HTR7: variants seen among roughly 807,000 people sequenced by gnomAD.
HTR7 encodes the protein 5-hydroxytryptamine receptor 7, also known as 5-HT-7.
HTR7 carries 16 observed loss-of-function variants against 34.0 expected under a neutral mutation model. The ratio of observed to expected loss-of-function variants is 0.47; its 90% CI spans 0.32 to 0.71. HTR7 has a LOEUF of 0.71. Among genes scored for constraint, HTR7 ranks in the 30% least tolerant of loss-of-function variants. The pLI is 0.04. For missense variants in HTR7, 504 were observed against 625.5 expected (o/e 0.81, Z 2.07); for synonymous variants, 265 against 260.2 (o/e 1.02, Z -0.18).
Position 90,857,776 on chromosome 10 carries a change from C to A in HTR7, c.-105G>T, listed in dbSNP as rs1398403104. 1.7e-6 allele frequency: 2 copies of A among 1,174,406 alleles called. No homozygotes were observed. The highest frequency in any genetic ancestry group is 6.5e-5 in the East Asian group (2 of 30,548). The allele number at this position is 1,174,406 out of a possible 1,614,324, so 72.7% of individuals were successfully genotyped here. On this transcript the variant is annotated 5_prime_UTR_variant, in exon 1 of 4. Coordinates refer to ENST00000336152, the MANE Select transcript of HTR7 (RefSeq NM_019859.4). This position sits in a 1 kb window ranked among gnomAD's most constrained non-coding sequence, Gnocchi z 6.5. ...ACCGGTTCCGCTCCGCCCGGCCCAGCCATGGGGCCCGCGCCGACCGCTGGG... is the reference window on the plus strand; with the variant it reads ...ACCGGTTCCGCTCCGCCCGGCCCAGACATGGGGCCCGCGCCGACCGCTGGG...
At position 90,743,644 on chromosome 10, in the gene HTR7, G is replaced by T. The variant is rs752411678; in HGVS notation, c.1342C>A (p.Pro448Thr). The change falls in exon 3 of 4, where the codon CCG becomes ACG. Residue 448 changes from proline to threonine, a missense_variant. Pro to Thr is a conservative substitution (Grantham distance 38). Around this residue, in one of 4 missense-constraint regions of HTR7, gnomAD observed 154 missense variants for 212.1 expected, o/e 0.73. Coordinates refer to ENST00000336152, the MANE Select transcript of HTR7 (RefSeq NM_019859.4). ...GATTGTAGCACCCACACAGATACCG[G>T]TGGCCTCTTTTCTGGTCTCAACAGC... ...RVLLRPEKRP[P>T]VSVWVLQSPD... is the part of the protein sequence containing the mutation. 2 of 1,613,932 alleles carry T rather than the reference G, an allele frequency of 1.2e-6. No homozygotes were observed. Among genetic ancestry groups the T allele is most frequent in the South Asian group, 2.2e-5 (2 of 91,084 alleles).
Position 90,752,669 on chromosome 10 carries a change from G to T in HTR7, c.540-3075C>A, listed in dbSNP as rs192423287. On this transcript the variant is annotated intron_variant, in intron 1 of 3. Coordinates refer to ENST00000336152, the MANE Select transcript of HTR7 (RefSeq NM_019859.4). ...AAGCCCCAAAATAATTATTCAAAAA[G>T]ATATCAATAAAACAAGATAGGTTCA... Among the ~76,000 whole-genome samples, 279 of 151,846 alleles carry T rather than the reference G, an allele frequency of 1.8e-3. 2 individuals are homozygous for T. The highest frequency in any genetic ancestry group is 9.4e-4 in the Non-Finnish European group (64 of 67,878).
chr10:90,787,506 T>TA (rs907619455), intron 1 of HTR7, among the ~76,000 whole-genome samples: 26 of 151,384 alleles, frequency 1.7e-4, no homozygotes, highest in African/African-American at 5.8e-4. Context: ...AAAATAAAAA[T>TA]AAAAAAAATA....
chr10:90,847,458 T>C (rs2120112484), intron 1 of HTR7, among the ~76,000 whole-genome samples: 1 of 152,232 alleles, frequency 6.6e-6, no homozygotes, highest in Non-Finnish European at 1.5e-5. Flanking sequence ...GAAGATTCCA[T>C]CAATTCTTAA....
chr10:90,829,309 G>A (rs561171437), intron 1 of HTR7, among the ~76,000 whole-genome samples: 2 of 152,300 alleles, frequency 1.3e-5, no homozygotes, highest in South Asian at 2.1e-4. Flanking sequence ...TGGGGAACAA[G>A]TGAAAACCTT....
intron 1 of HTR7, among the ~76,000 whole-genome samples, chr10:90,807,414 T>C (rs1198245475): frequency 6.6e-6 from 1 of 152,146 alleles, no homozygotes; most frequent in Non-Finnish European, 1.5e-5. Flanking sequence ...CCTCAACTGA[T>C]GACATTCCAC....
intron 1 of HTR7, among the ~76,000 whole-genome samples, chr10:90,844,096 A>C (rs2120099555): frequency 6.6e-6 from 1 of 152,348 alleles, no homozygotes; most frequent in East Asian, 1.9e-4. Context: ...TTTACAGAAA[A>C]AAAGTGTTTG....
intron 1 of HTR7, among the ~76,000 whole-genome samples, chr10:90,792,022 G>A (rs541459394): frequency 2.0e-5 from 3 of 152,194 alleles, no homozygotes; most frequent in Non-Finnish European, 2.9e-5. Flanking sequence ...CATTTACCAC[G>A]CAGAAAGATT....
At chr10:90,852,572 T>G (rs1389429769) in intron 1 of HTR7, among the ~76,000 whole-genome samples, 1 of 152,314 alleles carries the variant, frequency 6.6e-6, no homozygotes, top group Admixed American at 6.5e-5. Context: ...CTATTAGAGA[T>G]AGCCAGAAAC....
chr10:90,787,831 A>G (rs754907652), intron 1 of HTR7, among the ~76,000 whole-genome samples: 48 of 152,154 alleles, frequency 3.2e-4, no homozygotes, highest in African/African-American at 6.7e-4. Flanking sequence ...CTCTGTCTCC[A>G]GAATGCGCAT....
At chr10:90,783,954 G>A (rs1564680660) in intron 1 of HTR7, among the ~76,000 whole-genome samples, 1 of 152,112 alleles carries the variant, frequency 6.6e-6, no homozygotes, top group Non-Finnish European at 1.5e-5. Context: ...TTTATTCTAT[G>A]ACTTCAAGCA....
chr10:90,794,269 T>A (rs925962747), intron 1 of HTR7, among the ~76,000 whole-genome samples: 9 of 152,154 alleles, frequency 5.9e-5, no homozygotes, highest in Non-Finnish European at 1.2e-4. Context: ...GGCACCAACA[T>A]ACAAGGAGCC....
At chr10:90,822,151 A>G (rs1377854318) in intron 1 of HTR7, among the ~76,000 whole-genome samples, 1 of 152,234 alleles carries the variant, frequency 6.6e-6, no homozygotes, top group Non-Finnish European at 1.5e-5. Context: ...AACAGTTTGA[A>G]GGGATCAGAA....
chr10:90,830,166 ATACCATTCAATAATTGT>A (rs1317549116), intron 1 of HTR7, among the ~76,000 whole-genome samples: 3 of 152,224 alleles, frequency 2.0e-5, no homozygotes. Context: ...CCAAACTTGA[ATACCATTCAATAATTGT>A]TACCAATAAA....
At chr10:90,800,699 C>T (rs1269618338) in intron 1 of HTR7, among the ~76,000 whole-genome samples, 1 of 152,148 alleles carries the variant, frequency 6.6e-6, no homozygotes, top group East Asian at 1.9e-4. Flanking sequence ...TGGGCACTAA[C>T]TAAACTCTCA....
chr10:90,799,021 G>T (rs1307171428), intron 1 of HTR7, among the ~76,000 whole-genome samples: 1 of 152,152 alleles, frequency 6.6e-6, no homozygotes, highest in Non-Finnish European at 1.5e-5. Context: ...TGCTCCTGGG[G>T]ATAACATCAC....
chr10:90,803,142 C>A (rs79055969), intron 1 of HTR7, among the ~76,000 whole-genome samples: 3,660 of 151,760 alleles, frequency 0.024, 70 homozygotes, highest in Middle Eastern at 0.075. Context: ...GATACCAAAG[C>A]AAGTCTTAGA....
At chr10:90,829,569 A>C (rs1846132512) in intron 1 of HTR7, among the ~76,000 whole-genome samples, 1 of 152,052 alleles carries the variant, frequency 6.6e-6, no homozygotes, top group Admixed American at 6.6e-5. Context: ...CTCCCTGTGA[A>C]GGATCCCCAC....
chr10:90,828,325 G>A (rs567828847), intron 1 of HTR7, among the ~76,000 whole-genome samples: 1 of 152,112 alleles, frequency 6.6e-6, no homozygotes, highest in South Asian at 2.1e-4. Context: ...AGAGCAAACA[G>A]AACCTAAAAT....
Sources: gnomAD v4.1 joint callset for allele counts (sites outside exome capture counted in the v4.1 genomes callset) on GRCh38, gnomAD v4.1.1 for gene constraint, gnomAD v4.1.1 regional missense constraint, Gnocchi (gnomAD v3.1) non-coding constraint, MANE v1.5 for transcripts, NCBI Gene and HGNC (gene_info 2026-07-23, HGNC 2026-07-21) for gene names.